OSBPL3: variants seen among roughly 807,000 people sequenced by gnomAD.
The protein encoded by OSBPL3 is oxysterol binding protein like 3.
Under a neutral mutation model 120.1 loss-of-function variants are expected in OSBPL3, and 65 were observed. That is an observed-to-expected ratio of 0.54 (90% CI 0.44 to 0.67). The LOEUF (loss-of-function observed/expected upper bound fraction) is 0.67. Among genes scored for constraint, OSBPL3 ranks in the 30% least tolerant of loss-of-function variants. The probability of loss-of-function intolerance (pLI) is 0.00; values close to 1 mark genes in which losing one functional copy is unlikely to be tolerated. For missense variants in OSBPL3, 1,004 were observed against 1,082.1 expected, an observed-to-expected ratio of 0.93 and a Z score of 1.01; for synonymous variants, 416 against 402.6, an observed-to-expected ratio of 1.03 and a Z score of -0.40.
rs1337030841 is a variant in OSBPL3 at position 24,817,398 on chromosome 7, T to C, written c.1949-710A>G. 6.6e-6 allele frequency among the ~76,000 whole-genome samples: 1 copy of C among 152,184 alleles called. No individual in the cohort carries two copies. Among genetic ancestry groups the C allele is most frequent in the East Asian group, 1.9e-4 (1 of 5,182 alleles). On this transcript the variant is annotated intron_variant, in intron 17 of 22. Transcript: ENST00000313367. This position sits in a 1 kb window ranked among gnomAD's most constrained non-coding sequence, Gnocchi z 4.0. ...TGGGCGTTGTGGTGGGTGCCTGTAG[T>C]CCCAGCTGCTCAGGAGGCTGAGGCA...
At chr7:24,925,882 AG>A (rs1377538330) in intron 1 of OSBPL3, among the ~76,000 whole-genome samples, 1 of 152,266 alleles carries the variant, frequency 6.6e-6, no homozygotes, top group African/African-American at 2.4e-5. Flanking sequence ...TGAACAGAAT[AG>A]CAGTTTTAGT....
In OSBPL3 at chr7:24,938,561, A is replaced by C. The variant is rs998897175; in HGVS notation, c.-150+41325T>G. Among the ~76,000 whole-genome samples, 1 of 152,172 alleles carries C rather than the reference A, an allele frequency of 6.6e-6. No individual in the cohort carries two copies. Among genetic ancestry groups the C allele is most frequent in the African/African-American group, 2.4e-5 (1 of 41,432 alleles). ...TCCTTAGGGACCAAGATGGCTTCTG[A>C]AACTCTAGTCATCACTCAAATTTGA... On this transcript the variant is annotated intron_variant, in intron 1 of 22. Coordinates refer to ENST00000313367, the MANE Select transcript of OSBPL3 (RefSeq NM_015550.4). The surrounding 1 kb of genome is among the most constrained non-coding windows in gnomAD (Gnocchi z 5.8).
rs192830057 is a variant in OSBPL3, at chr7:24,963,794, T to C, written c.-150+16092A>G. 1.5e-3 allele frequency among the ~76,000 whole-genome samples: 223 copies of C among 152,362 alleles called. 1 individual carries two copies. Among genetic ancestry groups the C allele is most frequent in the Non-Finnish European group, 2.6e-3 (180 of 68,034 alleles). The stretch of plus-strand genomic sequence containing the variant: ...AGGAGTGGAAACAGATTAGTGTTTT[T>C]CACCGTGGGTAGTAAACCATGTAGT... On this transcript the variant is annotated intron_variant, in intron 1 of 22. Coordinates refer to ENST00000313367, the MANE Select transcript of OSBPL3 (RefSeq NM_015550.4).
rs1423508847 is a variant in OSBPL3 at position 24,831,560 on chromosome 7, C to T, written c.1747-655G>A. ...TACGTGAACACGAAGTGAACAAACT[C>T]TCTGGGCAGCCCTTACTGTGAGGTC... is the stretch of plus-strand genomic sequence containing the variant. On this transcript the variant is annotated intron_variant, in intron 15 of 22. Coordinates refer to ENST00000313367, the MANE Select transcript of OSBPL3 (RefSeq NM_015550.4). The surrounding 1 kb of genome is among the most constrained non-coding windows in gnomAD (Gnocchi z 4.0). Among the ~76,000 whole-genome samples, 1 of 152,204 alleles carries T rather than the reference C, an allele frequency of 6.6e-6. No homozygotes were observed. The highest frequency in any genetic ancestry group is 6.5e-5 in the Admixed American group (1 of 15,288).
chr7:24,809,265 A>G (rs115937153), intron 20 of OSBPL3, among the ~76,000 whole-genome samples: 111 of 152,310 alleles, frequency 7.3e-4, no homozygotes, highest in African/African-American at 2.6e-3. Context: ...TAAGATGTTA[A>G]AGTATGGTGG....
intron 14 of OSBPL3, among the ~76,000 whole-genome samples, chr7:24,839,137 A>G (rs1797377305): frequency 6.6e-6 from 1 of 152,216 alleles, no homozygotes; most frequent in South Asian, 2.1e-4. Context: ...TTGAAATATC[A>G]AAAAGGTGCC....
intron 10 of OSBPL3, among the ~76,000 whole-genome samples, chr7:24,861,189 C>T (rs1800479832): frequency 6.6e-6 from 1 of 152,112 alleles, no homozygotes; most frequent in Admixed American, 6.5e-5. Flanking sequence ...ATGTTGAATA[C>T]CTATTTCTAA....
chr7:24,818,657 G>A lies in OSBPL3; in HGVS notation c.1948+1518C>T, dbSNP rs1320666573. ...TCCAAAAGGCAGAGAAAGAGGAAAC[G>A]GAGAACAAAGAACAGATGTGACAAA... On this transcript the variant is annotated intron_variant, in intron 17 of 22. Transcript: ENST00000313367. This position sits in a 1 kb window ranked among gnomAD's most constrained non-coding sequence, Gnocchi z 4.0. 2.0e-5 allele frequency among the ~76,000 whole-genome samples: 3 copies of A among 152,086 alleles called. No homozygotes were observed. The highest frequency in any genetic ancestry group is 4.8e-5 in the African/African-American group (2 of 41,420).
chr7:24,849,236 CA>C lies in OSBPL3; in HGVS notation c.1159-61del. ...AAATGGATGTTTCAGAAAAGCACAG[CA>C]GTGGGCCCTGCAGGAGCGATCTCTA... On this transcript the variant is annotated intron_variant, in intron 11 of 22. Coordinates refer to ENST00000313367, the MANE Select transcript of OSBPL3 (RefSeq NM_015550.4). This position sits in a 1 kb window ranked among gnomAD's most constrained non-coding sequence, Gnocchi z 5.4. 1 of 1,301,958 alleles carries C rather than the reference CA, an allele frequency of 7.7e-7. No homozygotes were observed. The highest frequency in any genetic ancestry group is 1.2e-5 in the South Asian group (1 of 81,072). The allele number at this position is 1,301,958 out of a possible 1,614,324, so 80.7% of individuals were successfully genotyped here.
intron 1 of OSBPL3, among the ~76,000 whole-genome samples, chr7:24,960,255 T>C (rs537052863): frequency 3.9e-5 from 6 of 152,240 alleles, no homozygotes; most frequent in Admixed American, 1.3e-4. Context: ...CACAGATCCT[T>C]CCACCTCATT....
rs909532409 is a variant in OSBPL3, at chr7:24,936,427, A to G, written c.-150+43459T>C. ...CAAGACAAAGATCTTGCTCTTAACA[A>G]GGTCAAAACTGCAATGCAATACAAT... On this transcript the variant is annotated intron_variant, in intron 1 of 22. Coordinates refer to ENST00000313367, the MANE Select transcript of OSBPL3 (RefSeq NM_015550.4). This position sits in a 1 kb window ranked among gnomAD's most constrained non-coding sequence, Gnocchi z 4.2. Among the ~76,000 whole-genome samples the G allele has an allele frequency of 6.6e-6, 1 of 152,212 alleles. No individual in the cohort carries two copies. The highest frequency in any genetic ancestry group is 2.4e-5 in the African/African-American group (1 of 41,446).
At chr7:24,861,877 G>T in intron 9 of OSBPL3, 108 bp from the exon 10 acceptor site, 15 of 629,656 alleles carry the variant, frequency 2.4e-5, no homozygotes, top group Admixed American at 3.5e-5. Flanking sequence ...ACATTTTATA[G>T]GTAGGTCTTT....
At chr7:24,923,522 A>G (rs1005146022) in intron 1 of OSBPL3, among the ~76,000 whole-genome samples, 19 of 152,066 alleles carry the variant, frequency 1.2e-4, no homozygotes, top group African/African-American at 4.6e-4. Flanking sequence ...GCTATTTTTA[A>G]CCATGAGCTG....
intron 16 of OSBPL3, among the ~76,000 whole-genome samples, chr7:24,829,017 C>T (rs1032514313): frequency 6.6e-6 from 1 of 152,188 alleles, no homozygotes; most frequent in Non-Finnish European, 1.5e-5. Flanking sequence ...ACTGTGCCAC[C>T]ATGGGAAATA....
In OSBPL3 at chr7:24,834,609, G is replaced by C. The variant is rs1418319196; in HGVS notation, c.1623C>G (p.Ser541=). ...TCAGCTCCACCGGCATGGCCACCTT[G>C]GACAGGTCCTTCCCGATGTTGTTCC... ...ILRNNIGKDL[S]KVAMPVELNE... is the part of the protein sequence containing the mutation. The change falls in exon 15 of 23, where the codon TCC becomes TCG. Residue 541 remains serine (S), a synonymous_variant. Transcript: ENST00000313367. The surrounding 1 kb of genome is among the most constrained non-coding windows in gnomAD (Gnocchi z 5.2). The C allele has an allele frequency of 6.2e-7, 1 of 1,614,206 alleles. No homozygotes were observed. Among genetic ancestry groups the C allele is most frequent in the East Asian group, 2.2e-5 (1 of 44,878 alleles).
At position 24,799,948 on chromosome 7, in the gene OSBPL3, GT is replaced by G. The variant is rs1456590886; in HGVS notation, c.*234del. The G allele has an allele frequency of 2.3e-5, 5 of 219,244 alleles. No homozygotes were observed. Among genetic ancestry groups the G allele is most frequent in the Non-Finnish European group, 3.6e-5 (4 of 112,020 alleles). The allele number at this position is 219,244 out of a possible 1,614,324, so 13.6% of individuals were successfully genotyped here. A position where few individuals can be genotyped will look rare whatever the true frequency, so the allele number is the denominator to read the frequency against. ...TTCAATCTTTCATTTTTATTAAATA[GT>G]TTATATATAAAAAGAAATGTCAAGG... On this transcript the variant is annotated 3_prime_UTR_variant, in exon 23 of 23. Coordinates refer to ENST00000313367, the MANE Select transcript of OSBPL3 (RefSeq NM_015550.4). The surrounding 1 kb of genome is among the most constrained non-coding windows in gnomAD (Gnocchi z 5.3).
intron 1 of OSBPL3, among the ~76,000 whole-genome samples, chr7:24,944,918 A>G (rs1456824065): frequency 1.3e-5 from 2 of 152,162 alleles, no homozygotes; most frequent in African/African-American, 4.8e-5. Context: ...ATTCTGGCCC[A>G]ATGGAGTTAA....
In OSBPL3 at chr7:24,854,777, C is replaced by A. The variant is rs1799627484; in HGVS notation, c.1028-2143G>T. Among the ~76,000 whole-genome samples the A allele has an allele frequency of 6.6e-6, 1 of 152,182 alleles. No homozygotes were observed. Among genetic ancestry groups the A allele is most frequent in the African/African-American group, 2.4e-5 (1 of 41,430 alleles). ...TGGATGAGTAAATGATGTGCCTGAA[C>A]CCTGGTTTCCACATTTGTAAATGGG... On this transcript the variant is annotated intron_variant, in intron 10 of 22. Coordinates refer to ENST00000313367, the MANE Select transcript of OSBPL3 (RefSeq NM_015550.4). The surrounding 1 kb of genome is among the most constrained non-coding windows in gnomAD (Gnocchi z 4.1).
intron 15 of OSBPL3, among the ~76,000 whole-genome samples, chr7:24,832,576 C>T (rs1796533006): frequency 6.6e-6 from 1 of 151,026 alleles, no homozygotes; most frequent in African/African-American, 2.4e-5. Flanking sequence ...CTACTTGTGA[C>T]TGCCTGTGTT....
Sources: allele counts gnomAD v4.1 joint callset (sites outside exome capture counted in the v4.1 genomes callset), GRCh38; gene constraint gnomAD v4.1.1; non-coding constraint Gnocchi (gnomAD v3.1); transcripts MANE v1.5; gene names NCBI Gene and HGNC (gene_info 2026-07-23, HGNC 2026-07-21).